DTHD1: variants seen among roughly 807,000 people sequenced by gnomAD.
DTHD1 encodes death domain containing 1.
DTHD1 carries 59 observed loss-of-function variants against 74.8 expected under a neutral mutation model. The ratio of observed to expected loss-of-function variants is 0.79; its 90% CI spans 0.64 to 0.98. The LOEUF (loss-of-function observed/expected upper bound fraction) is 0.98. Ranked by LOEUF, DTHD1 falls within the 50% of genes least tolerant of loss-of-function variation. The probability of loss-of-function intolerance (pLI) is 0.00; values close to 1 mark genes in which losing one functional copy is unlikely to be tolerated. For synonymous variants in DTHD1, 365 were observed against 371.1 expected (o/e 0.98, Z 0.19); for missense variants, 1,051 against 1,065.4 (o/e 0.99, Z 0.19).
chr4:36,335,246 G>T (rs1234247253), intron 8 of DTHD1, among the ~76,000 whole-genome samples: 2 of 151,946 alleles, frequency 1.3e-5, no homozygotes, highest in Non-Finnish European at 2.9e-5. Flanking sequence ...TTTGAGGGGG[G>T]GTGCTCTCAT....
At chr4:36,338,476 A>G (rs916140270) in intron 8 of DTHD1, among the ~76,000 whole-genome samples, 1 of 151,860 alleles carries the variant, frequency 6.6e-6, no homozygotes, top group Non-Finnish European at 1.5e-5. Context: ...GCTGAGGCTG[A>G]GCATTTAAAT....
chr4:36,300,636 A>ATTG (rs142437879), intron 5 of DTHD1, among the ~76,000 whole-genome samples: 4 of 151,422 alleles, frequency 2.6e-5, no homozygotes, highest in African/African-American at 7.3e-5. Context: ...TACACTAAAG[A>ATTG]TTATTCTAAA....
At chr4:36,299,951 C>T (rs1756662792) in intron 5 of DTHD1, among the ~76,000 whole-genome samples, 1 of 152,106 alleles carries the variant, frequency 6.6e-6, no homozygotes, top group South Asian at 2.1e-4. Context: ...GCCTGGGTGA[C>T]AGAGTGAGAC....
chr4:36,321,643 T>G (rs1029541260), intron 8 of DTHD1, among the ~76,000 whole-genome samples: 1 of 152,186 alleles, frequency 6.6e-6, no homozygotes, highest in African/African-American at 2.4e-5. Flanking sequence ...AAATTTAACT[T>G]GCCTGAATCA....
At chr4:36,340,060 T>G (rs1759232729) in intron 9 of DTHD1, among the ~76,000 whole-genome samples, 1 of 152,162 alleles carries the variant, frequency 6.6e-6, no homozygotes, top group South Asian at 2.1e-4. Flanking sequence ...AATACAAAGG[T>G]AGAAGGATCC....
In DTHD1 at chr4:36,308,428, G is replaced by A. The variant is rs369210518; in HGVS notation, c.2030G>A (p.Arg677His). The part of the protein sequence containing the change: ...EGFGGPPEPS[R>H]HFQVREGEQL... Reference sequence around the variant, plus strand: ...TTTGGAGGACCTCCAGAGCCATCTCGTCATTTCCAAGTTCGAGAAGGAGAA... The same window carrying A: ...TTTGGAGGACCTCCAGAGCCATCTCATCATTTCCAAGTTCGAGAAGGAGAA... Residue 677 changes from arginine to histidine, a missense_variant, in exon 7 of 10, where the codon CGT (arginine) becomes CAT (histidine). By Grantham distance (29) the Arg-to-His change is conservative. Transcript: ENST00000639862. 57 of 1,551,848 alleles carry A rather than the reference G, an allele frequency of 3.7e-5. 1 individual carries two copies. Among genetic ancestry groups the A allele is most frequent in the African/African-American group, 5.5e-5 (4 of 73,164 alleles).
chr4:36,292,162 T>G (rs910434117), intron 3 of DTHD1, among the ~76,000 whole-genome samples: 1 of 152,210 alleles, frequency 6.6e-6, no homozygotes, highest in Admixed American at 6.5e-5. Flanking sequence ...TTTATAGGTA[T>G]GATAGTCTAG....
chr4:36,327,527 C>T lies in DTHD1; in HGVS notation c.2340+11041C>T, dbSNP rs58078981. Among the ~76,000 whole-genome samples, 382 of 152,284 alleles carry T rather than the reference C, an allele frequency of 2.5e-3. 2 individuals are homozygous for T. The highest frequency in any genetic ancestry group is 8.7e-3 in the African/African-American group (360 of 41,548). ...TGCATTTATGGGTCAAGGATATCTGCTCTTGACAAAATTACTTGGAATACT... is the reference window on the plus strand; with the variant it reads ...TGCATTTATGGGTCAAGGATATCTGTTCTTGACAAAATTACTTGGAATACT... On this transcript the variant is annotated intron_variant, in intron 8 of 9. Coordinates refer to ENST00000639862, the MANE Select transcript of DTHD1 (RefSeq NM_001170700.3).
Position 36,281,934 on chromosome 4 carries a change from A to C in DTHD1, c.176A>C (p.His59Pro), listed in dbSNP as rs1004006675. The C allele has an allele frequency of 7.4e-7, 1 of 1,357,250 alleles. No homozygotes were observed. Among genetic ancestry groups the C allele is most frequent in the East Asian group, 2.8e-5 (1 of 35,836 alleles). 84.1% of individuals were successfully genotyped at this position (1,357,250 alleles called of 1,614,324 possible). The change falls in exon 1 of 10, where the codon CAC (histidine) becomes CCC (proline). Residue 59 changes from histidine (H) to proline (P), a missense_variant. Transcript: ENST00000639862. ...GGTCAGGAACTCAGCAGTGCCCTTC[A>C]CCAGCTGCTGGAGCACACCTCAGGC... ...FLGQELSSAL[H>P]QLLEHTSGTL...
intron 9 of DTHD1, among the ~76,000 whole-genome samples, chr4:36,339,439 C>A (rs1486321243): frequency 6.6e-6 from 1 of 152,044 alleles, no homozygotes; most frequent in Non-Finnish European, 1.5e-5. Flanking sequence ...GTATGGCTAG[C>A]AATTGCTTAG....
rs747817328 is a variant in DTHD1, at chr4:36,284,302, C to A, written c.598C>A (p.Arg200Ser). The change falls in exon 2 of 10, where the codon CGT (arginine) becomes AGT (serine). Residue 200 changes from arginine (R) to serine (S), a missense_variant. Physicochemically the swap from Arg to Ser is moderately radical, Grantham distance 110. Transcript: ENST00000639862. ...AGAAAACAATACATCACTGAATGGA[C>A]GTGTACTGGGGCAAGAAGAGTCACA... Reference protein sequence around the residue: ...EKENNTSLNGRVLGQEESQNK... With the variant: ...EKENNTSLNGSVLGQEESQNK... 5 of 1,536,974 alleles carry A rather than the reference C, an allele frequency of 3.3e-6. No individual in the cohort carries two copies. In the South Asian group the frequency reaches 3.6e-5, roughly 11 times the overall value.
chr4:36,282,925 T>C (rs1031889391), intron 1 of DTHD1, among the ~76,000 whole-genome samples: 1 of 151,994 alleles, frequency 6.6e-6, no homozygotes, highest in Non-Finnish European at 1.5e-5. Flanking sequence ...CAAGCAAATA[T>C]ATATTCAGAA....
chr4:36,323,500 A>T (rs1175918253), intron 8 of DTHD1, among the ~76,000 whole-genome samples: 1 of 151,824 alleles, frequency 6.6e-6, no homozygotes, highest in Non-Finnish European at 1.5e-5. Flanking sequence ...TTCTACTCAG[A>T]CTTCTCAGTT....
chr4:36,337,060 C>T (rs572447986), intron 8 of DTHD1, among the ~76,000 whole-genome samples: 1 of 152,180 alleles, frequency 6.6e-6, no homozygotes, highest in African/African-American at 2.4e-5. Context: ...CCGCACGAGG[C>T]CAAATGTTGG....
chr4:36,284,129 C>A lies in DTHD1; in HGVS notation c.425C>A (p.Thr142Asn). Residue 142 changes from threonine to asparagine, a missense_variant, in exon 2 of 10, where the codon ACC (threonine) becomes AAC (asparagine). Transcript: ENST00000639862. The part of the protein sequence containing the change: ...PQQTMSSIQD[T>N]KAADIAARGE... ...CAGACAATGTCCTCCATTCAAGATACCAAAGCAGCAGACATTGCTGCAAGA... is the reference window on the plus strand; with the variant it reads ...CAGACAATGTCCTCCATTCAAGATAACAAAGCAGCAGACATTGCTGCAAGA... 6.5e-7 allele frequency: 1 copy of A among 1,537,168 alleles called. No homozygotes were observed. Among genetic ancestry groups the A allele is most frequent in the South Asian group, 1.2e-5 (1 of 84,058 alleles).
At chr4:36,291,654 C>A (rs1320925089) in intron 3 of DTHD1, among the ~76,000 whole-genome samples, 1 of 152,158 alleles carries the variant, frequency 6.6e-6, no homozygotes, top group Non-Finnish European at 1.5e-5. Context: ...CATGGAGAAA[C>A]CCCGTCTCTA....
chr4:36,289,189 T>C (rs977899986), intron 2 of DTHD1, among the ~76,000 whole-genome samples: 1 of 152,192 alleles, frequency 6.6e-6, no homozygotes, highest in South Asian at 2.1e-4. Flanking sequence ...ACATTTCCAG[T>C]ATTTCAATCA....
intron 8 of DTHD1, among the ~76,000 whole-genome samples, chr4:36,328,879 A>G (rs1002919561): frequency 2.6e-5 from 4 of 152,232 alleles, no homozygotes; most frequent in African/African-American, 9.6e-5. Flanking sequence ...AACAATGTCC[A>G]ATCAGGGCCT....
chr4:36,340,891 A>G (rs1260605177), intron 9 of DTHD1, among the ~76,000 whole-genome samples: 1 of 151,972 alleles, frequency 6.6e-6, no homozygotes, highest in Non-Finnish European at 1.5e-5. Flanking sequence ...TAGCAGGGGG[A>G]AAAGAATATT....
Sources: gnomAD v4.1 joint callset for allele counts (sites outside exome capture counted in the v4.1 genomes callset) on GRCh38, gnomAD v4.1.1 for gene constraint, MANE v1.5 for transcripts, NCBI Gene and HGNC (gene_info 2026-07-23, HGNC 2026-07-21) for gene names.